Variants in OCA2 observed in about 807,000 individuals in gnomAD.
OCA2 encodes the protein OCA2 melanosomal transmembrane protein.
In OCA2, 77 loss-of-function variants were observed where a neutral mutation model predicts 100.2. The observed-to-expected ratio is 0.77, with a 90% CI of 0.64 to 0.93. The LOEUF (loss-of-function observed/expected upper bound fraction) is 0.93. Ranked by LOEUF, OCA2 falls within the 40% of genes least tolerant of loss-of-function variation. The pLI is 0.00. For synonymous variants in OCA2, 432 were observed against 439.2 expected, an observed-to-expected ratio of 0.98 and a Z score of 0.21; for missense variants, 1,062 against 1,089.1, an observed-to-expected ratio of 0.98 and a Z score of 0.35.
chr15:27,957,567 G>A lies in OCA2; in HGVS notation c.1784+21C>T. ...TTCTGCTGCACACCAAGCACAGTCT[G>A]AGCAGGACCCCGCCCGGTACCTGTG... On this transcript the variant is annotated intron_variant, in intron 16 of 23. Transcript: ENST00000354638. This position sits in a 1 kb window ranked among gnomAD's most constrained non-coding sequence, Gnocchi z 4.3. 1 of 1,611,568 alleles carries A rather than the reference G, an allele frequency of 6.2e-7. No homozygotes were observed.
At chr15:27,755,838 T>C (rs112650814) in intron 23 of OCA2, among the ~76,000 whole-genome samples, 41 of 152,318 alleles carry the variant, frequency 2.7e-4, no homozygotes, top group African/African-American at 9.6e-4. Flanking sequence ...CCAACTTTTC[T>C]TCTCTGGAGA....
chr15:27,960,568 C>T (rs2040374064), intron 15 of OCA2, among the ~76,000 whole-genome samples: 1 of 152,108 alleles, frequency 6.6e-6, no homozygotes, highest in South Asian at 2.1e-4. Context: ...CCTGCCCCTG[C>T]TTAATCATAA....
the OCA2 span, among the ~76,000 whole-genome samples, chr15:27,740,226 A>C: frequency 0.56 from 84,823 of 152,044 alleles, 24,814 homozygotes; most frequent in African/African-American, 0.68. Context: ...CATTTCTGAG[A>C]TCTGTGACCA....
Position 27,989,665 on chromosome 15 carries a change from C to A in OCA2, c.1118G>T (p.Arg373Ile), listed in dbSNP as rs1444457881. The A allele has an allele frequency of 2.5e-6, 4 of 1,613,966 alleles. No individual in the cohort carries two copies. The African/African-American group carries it at 5.3e-5, about 22-fold the overall frequency. ...ALAALAVIGD[R>I]PSLTHVVEWI... ...CTCCACCACATGGGTCAGGCTGGGT[C>A]TCTGCAATCAAAGCACAAATTTGCC... The change falls in exon 11 of 24, where the codon AGA (arginine) becomes ATA (isoleucine). Residue 373 changes from arginine (R) to isoleucine (I), a missense_variant and splice_region_variant. Coordinates refer to ENST00000354638, the MANE Select transcript of OCA2 (RefSeq NM_000275.3).
chr15:27,854,347 T>G (rs2035875186), intron 21 of OCA2, among the ~76,000 whole-genome samples: 1 of 152,224 alleles, frequency 6.6e-6, no homozygotes, highest in Admixed American at 6.5e-5. Context: ...ATGTGCCTGC[T>G]ACTGCACATG....
intron 9 of OCA2, among the ~76,000 whole-genome samples, chr15:28,011,894 G>A (rs1431154365): frequency 6.8e-6 from 1 of 148,088 alleles, no homozygotes; most frequent in Non-Finnish European, 1.5e-5. Context: ...TCCAGCCTGG[G>A]CAACAGAGGG....
intron 9 of OCA2, among the ~76,000 whole-genome samples, chr15:28,009,684 TCACACACACACACACACACA>T (rs747425942): frequency 4.3e-5 from 6 of 138,008 alleles, no homozygotes; most frequent in East Asian, 2.2e-4. Flanking sequence ...CGAGATTCTG[TCACACACACACACACACACA>T]CACACACACA....
At chr15:28,011,640 G>A (rs920666676) in intron 9 of OCA2, among the ~76,000 whole-genome samples, 3 of 152,034 alleles carry the variant, frequency 2.0e-5, no homozygotes, top group African/African-American at 7.2e-5. Flanking sequence ...AACTGGCCCG[G>A]CACAGTGGCT....
intron 23 of OCA2, among the ~76,000 whole-genome samples, chr15:27,765,889 C>A (rs747522873): frequency 6.6e-6 from 1 of 152,176 alleles, no homozygotes; most frequent in African/African-American, 2.4e-5. Context: ...TTTATTGCAA[C>A]CTGTTTTATC....
chr15:27,955,383 G>A (rs1008547060), intron 16 of OCA2, among the ~76,000 whole-genome samples, 168 bp from the exon 17 acceptor site: 1 of 152,144 alleles, frequency 6.6e-6, no homozygotes, highest in Non-Finnish European at 1.5e-5. Context: ...GGCTGGAAAA[G>A]GTGCTCACTC....
chr15:27,960,905 C>CA (rs758989766), intron 15 of OCA2, among the ~76,000 whole-genome samples: 4,988 of 105,382 alleles, frequency 0.047, 343 homozygotes, highest in African/African-American at 0.18. Context: ...GGCTCCATCT[C>CA]AAAAAAAAAA....
chr15:27,903,588 G>A lies in OCA2; in HGVS notation c.2079+22539C>T, dbSNP rs144001923. Among the ~76,000 whole-genome samples the A allele has an allele frequency of 9.4e-3, 1,428 of 152,316 alleles. 14 individuals carry two copies. Among genetic ancestry groups the A allele is most frequent in the Middle Eastern group, 0.024 (7 of 292 alleles). ...CTGGAAAGTCCCGGGCTTCCCCCAG[G>A]AGCTTGGAACTCCCCTCGCCCCCTG... is the stretch of plus-strand genomic sequence containing the variant. On this transcript the variant is annotated intron_variant, in intron 19 of 23. Coordinates refer to ENST00000354638, the MANE Select transcript of OCA2 (RefSeq NM_000275.3).
intron 23 of OCA2, among the ~76,000 whole-genome samples, chr15:27,824,002 C>A (rs1272234189): frequency 1.3e-5 from 2 of 152,178 alleles, no homozygotes; most frequent in Non-Finnish European, 2.9e-5. Context: ...CAGGGGGAAC[C>A]TAGCTGTTCT....
intron 2 of OCA2, among the ~76,000 whole-genome samples, chr15:28,064,815 T>C (rs1450267283): frequency 6.6e-6 from 1 of 151,738 alleles, no homozygotes; most frequent in Non-Finnish European, 1.5e-5. Context: ...CAAATCCATT[T>C]AAAGGATTTA....
rs1566878242 is a variant in OCA2 at position 28,081,711 on chromosome 15, G to T, written c.164C>A (p.Ala55Asp). The T allele has an allele frequency of 6.2e-7, 1 of 1,613,778 alleles. No homozygotes were observed. Among genetic ancestry groups the T allele is most frequent in the South Asian group, 1.1e-5 (1 of 91,074 alleles). The change falls in exon 2 of 24, where the codon GCT becomes GAT. Residue 55 changes from alanine to aspartate, a missense_variant. Physicochemically the swap from Ala to Asp is moderately radical, Grantham distance 126. Coordinates refer to ENST00000354638, the MANE Select transcript of OCA2 (RefSeq NM_000275.3). ...ADPSHSCPRG[A>D]AGQSSWAPAG... ...AGGAGCCCAAGAGCTCTGCCCGGCA[G>T]CCCCCCTGGGGCAGGAGTGCGAGGG...
chr15:27,723,468 A>G, the OCA2 span, among the ~76,000 whole-genome samples: 1 of 152,038 alleles, frequency 6.6e-6, no homozygotes, highest in East Asian at 1.9e-4. Context: ...AAACCTGCCC[A>G]GGAGTGCAGG....
chr15:27,829,415 G>T (rs1449692781), intron 23 of OCA2, among the ~76,000 whole-genome samples: 1 of 152,188 alleles, frequency 6.6e-6, no homozygotes, highest in Non-Finnish European at 1.5e-5. Context: ...CCTAGAATTT[G>T]AAGCATAAGA....
intron 19 of OCA2, among the ~76,000 whole-genome samples, chr15:27,895,220 C>T (rs1216594657): frequency 1.2e-4 from 19 of 152,154 alleles, no homozygotes; most frequent in Admixed American, 1.2e-3. Flanking sequence ...TGACATATCA[C>T]TGGGCCCAGA....
At chr15:28,075,858 T>C (rs1483453960) in intron 2 of OCA2, among the ~76,000 whole-genome samples, 2 of 152,154 alleles carry the variant, frequency 1.3e-5, no homozygotes, top group East Asian at 1.9e-4. Flanking sequence ...AGAAAACAGA[T>C]TGATGGTTAA....
Sources: allele counts gnomAD v4.1 joint callset (sites outside exome capture counted in the v4.1 genomes callset), GRCh38; gene constraint gnomAD v4.1.1; non-coding constraint Gnocchi (gnomAD v3.1); transcripts MANE v1.5; gene names NCBI Gene and HGNC (gene_info 2026-07-23, HGNC 2026-07-21).